ANK1: variants seen among roughly 807,000 people sequenced by gnomAD.
The protein encoded by ANK1 is ankyrin 1.
In ANK1, 51 loss-of-function variants were observed where a neutral mutation model predicts 210.4. That is an observed-to-expected ratio of 0.24 (90% confidence interval 0.19 to 0.31). The LOEUF (loss-of-function observed/expected upper bound fraction) is 0.31, where lower values mean the gene tolerates loss of function less well. Among genes scored for constraint, ANK1 ranks in the 10% least tolerant of loss-of-function variants. The pLI is 1.00. For synonymous variants in ANK1, 967 were observed against 1,025.9 expected (o/e 0.94, Z 1.10); for missense variants, 2,051 against 2,504.4 (o/e 0.82, Z 3.86).
upstream of ANK1, among the ~76,000 whole-genome samples, chr8:41,799,409 T>G (rs2150774466): frequency 6.6e-6 from 1 of 152,262 alleles, no homozygotes; most frequent in East Asian, 1.9e-4. Flanking sequence ...AGTAATGGCT[T>G]CTGGAACGAA....
At chr8:41,791,463 A>G (rs1309513208) in intron 1 of ANK1, among the ~76,000 whole-genome samples, 4 of 138,086 alleles carry the variant, frequency 2.9e-5, no homozygotes, top group African/African-American at 1.1e-4. Flanking sequence ...TTTTTTTTGA[A>G]CGGAGACTTG....
chr8:41,692,916 C>A, intron 30 of ANK1, 40 bp from the exon 31 acceptor site: 1 of 1,591,262 alleles, frequency 6.3e-7, no homozygotes, highest in African/African-American at 1.3e-5. Flanking sequence ...AAGTGCCCAA[C>A]AGAGAGCATC....
intron 37 of ANK1, among the ~76,000 whole-genome samples, chr8:41,679,565 T>C (rs908487184): frequency 3.0e-5 from 4 of 135,168 alleles, no homozygotes; most frequent in African/African-American, 1.1e-4. Flanking sequence ...TTTCTTTTTT[T>C]TTTTTTTTTT....
At chr8:41,844,988 C>T (rs911602224) in intron 1 of ANK1, among the ~76,000 whole-genome samples, 4 of 152,140 alleles carry the variant, frequency 2.6e-5, no homozygotes, top group Non-Finnish European at 4.4e-5. Flanking sequence ...AGGATTGCAA[C>T]GCGGAAAAGC....
At chr8:41,807,754 C>G (rs1587114728) in intron 1 of ANK1, among the ~76,000 whole-genome samples, 1 of 152,118 alleles carries the variant, frequency 6.6e-6, no homozygotes, top group East Asian at 1.9e-4. Flanking sequence ...GAGTAAAATA[C>G]TAGTGTTCAA....
intron 1 of ANK1, among the ~76,000 whole-genome samples, chr8:41,842,021 C>A (rs1455189998): frequency 6.6e-6 from 1 of 152,222 alleles, no homozygotes; most frequent in Non-Finnish European, 1.5e-5. Context: ...ATGAGAGAAG[C>A]CAGGGCAGCC....
intron 17 of ANK1, among the ~76,000 whole-genome samples, 196 bp downstream of exon 17, chr8:41,708,582 C>T (rs1586309737): frequency 6.6e-6 from 1 of 152,174 alleles, no homozygotes; most frequent in Non-Finnish European, 1.5e-5. Context: ...CAGAATCCTG[C>T]CACCTTGGGA....
chr8:41,699,636 T>A, intron 22 of ANK1, 88 bp from the exon 23 acceptor site: 5 of 1,264,148 alleles, frequency 4.0e-6, no homozygotes, highest in Non-Finnish European at 5.7e-6. Flanking sequence ...GCTCCGCCTC[T>A]GGGGGCTTGC....
At chr8:41,842,940 AG>A (rs1414794216) in intron 1 of ANK1, among the ~76,000 whole-genome samples, 1 of 152,072 alleles carries the variant, frequency 6.6e-6, no homozygotes, top group African/African-American at 2.4e-5. Flanking sequence ...TCAGCCTCCC[AG>A]GTTCAAGCGA....
At chr8:41,857,740 GA>G (rs546644189) in intron 1 of ANK1, among the ~76,000 whole-genome samples, 23 of 118,086 alleles carry the variant, frequency 1.9e-4, no homozygotes, top group Non-Finnish European at 3.1e-4. Flanking sequence ...CTCCATCTCA[GA>G]AAAAAAAAAA....
intron 38 of ANK1, among the ~76,000 whole-genome samples, 156 bp from the exon 39 acceptor site, chr8:41,668,720 G>T (rs991508456): frequency 2.0e-5 from 3 of 152,142 alleles, no homozygotes; most frequent in Non-Finnish European, 4.4e-5. Context: ...GGTCAGGGGC[G>T]CATGAGCACA....
chr8:41,860,784 G>A (rs1587475527), intron 1 of ANK1, among the ~76,000 whole-genome samples: 1 of 152,182 alleles, frequency 6.6e-6, no homozygotes, highest in East Asian at 1.9e-4. Flanking sequence ...GTGACCCTCT[G>A]AGGATTGCTG....
intron 39 of ANK1, chr8:41,665,010 A>G (rs767456514): frequency 1.2e-6 from 2 of 1,613,828 alleles, no homozygotes; most frequent in Admixed American, 3.3e-5. Context: ...CAGCTGGGTG[A>G]CGAAAGTCCA....
In ANK1 at chr8:41,714,255, C is replaced by A; in HGVS notation, c.1702-1G>T. 2 of 1,557,752 alleles carry A rather than the reference C, an allele frequency of 1.3e-6. No homozygotes were observed. The highest frequency in any genetic ancestry group is 2.5e-5 in the South Asian group (2 of 81,628). On this transcript the variant is annotated splice_acceptor_variant, in intron 15 of 42. Transcript: ENST00000289734. LOFTEE classifies it high-confidence loss of function. Reference sequence around the variant, plus strand: ...CCACGTGCAGGGGGGTCAGGCCATTCTGCAGGGGACAAAGACAAAAGAGGC... The same window carrying A: ...CCACGTGCAGGGGGGTCAGGCCATTATGCAGGGGACAAAGACAAAAGAGGC...
intron 1 of ANK1, among the ~76,000 whole-genome samples, chr8:41,764,630 C>T (rs1467688916): frequency 2.0e-5 from 3 of 152,200 alleles, no homozygotes; most frequent in Admixed American, 1.3e-4. Flanking sequence ...GCTGGCACCT[C>T]TGTTGTGCAC....
chr8:41,816,088 T>C (rs900025522), intron 1 of ANK1, among the ~76,000 whole-genome samples: 1 of 152,248 alleles, frequency 6.6e-6, no homozygotes, highest in South Asian at 2.1e-4. Context: ...TACATCTGTG[T>C]AATTCACTTG....
chr8:41,733,496 A>G (rs1832709162), intron 3 of ANK1, among the ~76,000 whole-genome samples: 1 of 152,248 alleles, frequency 6.6e-6, no homozygotes, highest in Non-Finnish European at 1.5e-5. Flanking sequence ...AAATACATCC[A>G]GGCATTTGAT....
intron 3 of ANK1, among the ~76,000 whole-genome samples, chr8:41,732,099 T>C (rs1174374651): frequency 6.6e-6 from 1 of 152,226 alleles, no homozygotes; most frequent in Non-Finnish European, 1.5e-5. Flanking sequence ...AATTACAGAA[T>C]TTTACCTCAA....
chr8:41,896,370 A>G, exon 1 of ANK1: 1 of 1,598,058 alleles, frequency 6.3e-7, no homozygotes, highest in Non-Finnish European at 8.5e-7. Flanking sequence ...TCTTTCGGTC[A>G]CGGGAGCGGT....
Sources: allele counts gnomAD v4.1 joint callset (sites outside exome capture counted in the v4.1 genomes callset), GRCh38; gene constraint gnomAD v4.1.1; transcripts MANE v1.5; gene names NCBI Gene and HGNC (gene_info 2026-07-23, HGNC 2026-07-21).